PCLO: variants seen among roughly 807,000 people sequenced by gnomAD.
PCLO encodes the protein piccolo presynaptic cytomatrix protein, also known as protein piccolo.
A neutral mutation model predicts 427.5 loss-of-function variants in PCLO; 82 were observed. That is an observed-to-expected ratio of 0.19 (90% confidence interval 0.16 to 0.23). The LOEUF (loss-of-function observed/expected upper bound fraction) is 0.23, where lower values mean the gene tolerates loss of function less well. Among genes scored for constraint, PCLO ranks in the 10% least tolerant of loss-of-function variants. The pLI is 1.00. For missense variants in PCLO, 6,239 were observed against 6,115.9 expected, an observed-to-expected ratio of 1.02 and a Z score of -0.67; for synonymous variants, 2,357 against 2,155.4, an observed-to-expected ratio of 1.09 and a Z score of -2.59.
intron 20 of PCLO, among the ~76,000 whole-genome samples, chr7:82,815,191 A>G (rs992134725): frequency 1.1e-4 from 16 of 151,996 alleles, no homozygotes; most frequent in Non-Finnish European, 1.5e-4. Flanking sequence ...ATTTTTGGTT[A>G]AAAACGAACA....
At chr7:82,878,761 G>A (rs530808165) in intron 10 of PCLO, among the ~76,000 whole-genome samples, 1 of 152,286 alleles carries the variant, frequency 6.6e-6, no homozygotes, top group South Asian at 2.1e-4. Context: ...TTTCTGTAAA[G>A]GGCCAGGAGT....
chr7:82,969,358 A>G (rs566186273), intron 3 of PCLO, among the ~76,000 whole-genome samples: 9 of 152,272 alleles, frequency 5.9e-5, no homozygotes, highest in Non-Finnish European at 1.2e-4. Context: ...ACAGAAGGCA[A>G]TAGTGTAAAT....
intron 18 of PCLO, among the ~76,000 whole-genome samples, chr7:82,825,658 A>G (rs1367201497): frequency 6.7e-6 from 1 of 148,200 alleles, no homozygotes; most frequent in Non-Finnish European, 1.5e-5. Flanking sequence ...TATAGTATAT[A>G]TACATTGTAT....
At chr7:82,945,059 C>T (rs763752616) in intron 6 of PCLO, among the ~76,000 whole-genome samples, 1 of 152,056 alleles carries the variant, frequency 6.6e-6, no homozygotes, top group Non-Finnish European at 1.5e-5. Context: ...CTAAGTCATA[C>T]CTAGGGAGCA....
intron 9 of PCLO, among the ~76,000 whole-genome samples, chr7:82,891,181 G>T (rs908470801): frequency 6.6e-6 from 1 of 152,080 alleles, no homozygotes; most frequent in Non-Finnish European, 1.5e-5. Context: ...TATTGCCAGT[G>T]TTGGAAATTC....
chr7:83,095,298 T>A lies in PCLO; in HGVS notation c.3300+38952A>T, dbSNP rs185482604. 7.8e-4 allele frequency among the ~76,000 whole-genome samples: 118 copies of A among 152,212 alleles called. 1 individual carries two copies. The highest frequency in any genetic ancestry group is 2.8e-3 in the African/African-American group (116 of 41,560). On this transcript the variant is annotated intron_variant, in intron 3 of 24. Coordinates refer to ENST00000333891, the MANE Select transcript of PCLO (RefSeq NM_033026.6). ...AATTTCTACAGGATATGTACTGATA[T>A]GCCTTGTTTCATTACTGATAGTGGT...
In PCLO at chr7:82,775,165, A is replaced by T. The variant is rs146323573; in HGVS notation, c.15008-13672T>A. 3.9e-3 allele frequency among the ~76,000 whole-genome samples: 588 copies of T among 152,228 alleles called. 3 individuals carry two copies. Among genetic ancestry groups the T allele is most frequent in the African/African-American group, 0.013 (539 of 41,536 alleles). ...GAAGGACTTGTTGTTTGCTTCCAAG[A>T]TTTGGCAATTATGACTTAAGCTGCT... On this transcript the variant is annotated intron_variant, in intron 22 of 24. Coordinates refer to ENST00000333891, the MANE Select transcript of PCLO (RefSeq NM_033026.6).
Position 82,952,050 on chromosome 7 carries a change from C to A in PCLO, c.8903G>T (p.Gly2968Val), listed in dbSNP as rs1584205867. The change falls in exon 5 of 25, where the codon GGT becomes GTT. Residue 2968 changes from glycine to valine, a missense_variant. Physicochemically the swap from Gly to Val is moderately radical, Grantham distance 109. Coordinates refer to ENST00000333891, the MANE Select transcript of PCLO (RefSeq NM_033026.6). ...ATACTGATAGTGGTCATCCCTATAA[C>A]CAAAACGATCCTCAGGAAGAGTAGT... is the stretch of plus-strand genomic sequence containing the variant. ...PATTLPEDRF[G>V]YRDDHYQYDR... 3 of 1,613,830 alleles carry A rather than the reference C, an allele frequency of 1.9e-6. No individual in the cohort carries two copies. Among genetic ancestry groups the A allele is most frequent in the African/African-American group, 2.7e-5 (2 of 74,912 alleles).
intron 10 of PCLO, among the ~76,000 whole-genome samples, chr7:82,860,724 T>C (rs538123835): frequency 6.6e-6 from 1 of 152,188 alleles, no homozygotes; most frequent in South Asian, 2.1e-4. Flanking sequence ...GATTAAATGA[T>C]GAACCAATCA....
At chr7:83,092,803 C>T (rs527352073) in intron 3 of PCLO, among the ~76,000 whole-genome samples, 29 of 151,786 alleles carry the variant, frequency 1.9e-4, no homozygotes, top group African/African-American at 6.8e-4. Flanking sequence ...CAAAGTTGGT[C>T]GGGTGTGGTG....
At chr7:82,834,798 A>C (rs921558356) in intron 16 of PCLO, among the ~76,000 whole-genome samples, 8 of 152,186 alleles carry the variant, frequency 5.3e-5, no homozygotes, top group Non-Finnish European at 1.0e-4. Context: ...GGAACAAAGG[A>C]AGATTAACTT....
intron 3 of PCLO, among the ~76,000 whole-genome samples, chr7:83,068,056 G>A (rs1789711728): frequency 6.6e-6 from 1 of 152,096 alleles, no homozygotes; most frequent in South Asian, 2.1e-4. Context: ...TAACAATATT[G>A]GGTAATATAT....
intron 6 of PCLO, among the ~76,000 whole-genome samples, chr7:82,942,732 TA>T (rs1298039615): frequency 2.0e-5 from 3 of 152,110 alleles, no homozygotes; most frequent in African/African-American, 4.8e-5. Flanking sequence ...ATTTTAATTT[TA>T]AAACAGTTGG....
chr7:82,963,640 C>T (rs866965881), intron 4 of PCLO, among the ~76,000 whole-genome samples: 1 of 151,954 alleles, frequency 6.6e-6, no homozygotes, highest in African/African-American at 2.4e-5. Context: ...AATTGTACAC[C>T]AAGATCTTAA....
Position 82,841,460 on chromosome 7 carries a change from T to A in PCLO, c.14096A>T (p.Gln4699Leu). The change falls in exon 14 of 25, where the codon CAG becomes CTG. Residue 4699 changes from glutamine (Q) to leucine (L), a missense_variant and splice_region_variant. Gln to Leu is a moderately radical substitution (Grantham distance 113, BLOSUM62 -2). Transcript: ENST00000333891. Reference sequence around the variant, plus strand: ...GCGACTTTTTAAAAAACTTCATACCTGAATTTCTCCTGTAATTGGATGAGA... The same window carrying A: ...GCGACTTTTTAAAAAACTTCATACCAGAATTTCTCCTGTAATTGGATGAGA... Reference protein sequence around the residue: ...VVSHPITGEIQLQINYDLGNL... With the variant: ...VVSHPITGEILLQINYDLGNL... The A allele has an allele frequency of 2.5e-6, 4 of 1,597,030 alleles. No homozygotes were observed. Among genetic ancestry groups the A allele is most frequent in the Non-Finnish European group, 3.4e-6 (4 of 1,165,428 alleles).
intron 3 of PCLO, among the ~76,000 whole-genome samples, chr7:83,077,786 A>G (rs1789994530): frequency 6.6e-6 from 1 of 152,042 alleles, no homozygotes; most frequent in Non-Finnish European, 1.5e-5. Flanking sequence ...GTTTTCTATA[A>G]AAGTCAGCAA....
intron 6 of PCLO, among the ~76,000 whole-genome samples, chr7:82,940,191 T>A (rs1325043512): frequency 1.3e-5 from 2 of 152,158 alleles, no homozygotes; most frequent in Admixed American, 1.3e-4. Flanking sequence ...TGAGTGAGCA[T>A]TTATAGGCTC....
At chr7:82,774,527 AG>A (rs1790709987) in intron 22 of PCLO, among the ~76,000 whole-genome samples, 1 of 152,182 alleles carries the variant, frequency 6.6e-6, no homozygotes, top group Admixed American at 6.5e-5. Context: ...GTTTTCCTAT[AG>A]GTATCTTGGT....
rs1325398202 is a variant in PCLO at position 82,915,823 on chromosome 7, T to G, written c.12163A>C (p.Ile4055Leu). ...CTTAATGCCGCTGTTCCTTTGGTGA[T>G]CTCTCCAATGTCGTCAATTAGGACA... ...NYVLIDDIGE[I>L]TKGTAALSTA... The change falls in exon 7 of 25, where the codon ATC becomes CTC. Residue 4055 changes from isoleucine (I) to leucine (L), a missense_variant. Transcript: ENST00000333891. 8.7e-6 allele frequency: 14 copies of G among 1,613,332 alleles called. No homozygotes were observed. The highest frequency in any genetic ancestry group is 1.7e-5 in the Admixed American group (1 of 59,916).
Sources: allele counts gnomAD v4.1 joint callset (sites outside exome capture counted in the v4.1 genomes callset), GRCh38; gene constraint gnomAD v4.1.1; transcripts MANE v1.5; gene names NCBI Gene and HGNC (gene_info 2026-07-23, HGNC 2026-07-21).